Variants in PSG1 observed in about 807,000 individuals in gnomAD.
PSG1 encodes pregnancy specific beta-1-glycoprotein 1.
A neutral mutation model predicts 41.4 loss-of-function variants in PSG1; 60 were observed. The ratio of observed to expected loss-of-function variants is 1.45; its 90% CI spans 1.18 to 1.80. The LOEUF (loss-of-function observed/expected upper bound fraction) is 1.80, where lower values mean the gene tolerates loss of function less well. Among genes scored for constraint, PSG1 ranks in the 40% most tolerant of loss-of-function variants. The probability of loss-of-function intolerance (pLI) is 0.00; values close to 1 mark genes in which losing one functional copy is unlikely to be tolerated. For synonymous variants in PSG1, 256 were observed against 192.9 expected, an observed-to-expected ratio of 1.33 and a Z score of -2.71; for missense variants, 806 against 516.9, an observed-to-expected ratio of 1.56 and a Z score of -5.42.
At chr19:42,876,151 G>A (rs1971595530) in intron 2 of PSG1, among the ~76,000 whole-genome samples, 2 of 151,448 alleles carry the variant, frequency 1.3e-5, no homozygotes, top group African/African-American at 2.4e-5. Flanking sequence ...GCCTAGAGGT[G>A]GAGGAAGAAG....
At chr19:42,873,532 A>T (rs533638691) in intron 2 of PSG1, among the ~76,000 whole-genome samples, 2 of 151,810 alleles carry the variant, frequency 1.3e-5, no homozygotes, top group Non-Finnish European at 2.9e-5. Context: ...TCATAAGTGG[A>T]AATTTTTACT....
rs777919469 is a variant in PSG1 at position 42,868,216 on chromosome 19, T to C, written c.1128A>G (p.Gly376=). Reference sequence around the variant, plus strand: ...TAATATGGCGGATAAAGAGCTTTTGTCCTGGTAGCTGAAACTTTTCATTAA... The same window carrying C: ...TAATATGGCGGATAAAGAGCTTTTGCCCTGGTAGCTGAAACTTTTCATTAA... The part of the protein sequence containing the change: ...WTINEKFQLP[G]QKLFIRHITT... The change falls in exon 5 of 6, where the codon GGA becomes GGG. Residue 376 remains glycine (G), a synonymous_variant. Transcript: ENST00000436291. 2 of 1,612,380 alleles carry C rather than the reference T, an allele frequency of 1.2e-6. No homozygotes were observed. Among genetic ancestry groups the C allele is most frequent in the African/African-American group, 1.3e-5 (1 of 74,758 alleles).
intron 2 of PSG1, among the ~76,000 whole-genome samples, chr19:42,877,263 C>T (rs1207362932): frequency 6.6e-6 from 1 of 151,614 alleles, no homozygotes; most frequent in Non-Finnish European, 1.5e-5. Context: ...TCCTAAGCCT[C>T]CTAAGGCAGT....
At position 42,879,608 on chromosome 19, in the gene PSG1, CTG is replaced by C; in HGVS notation, c.-29_-28del. ...GTCTCTGCTGCTTGTGTGTTCTCCT[CTG>C]TGGAGATAAGCCTAGGATCCAGAAA... On this transcript the variant is annotated 5_prime_UTR_variant, in exon 1 of 6. Transcript: ENST00000436291. The C allele has an allele frequency of 6.2e-7, 1 of 1,608,700 alleles. No homozygotes were observed. The highest frequency in any genetic ancestry group is 8.5e-7 in the Non-Finnish European group (1 of 1,177,116).
intron 2 of PSG1, chr19:42,876,600 A>G: frequency 2.9e-6 from 1 of 344,280 alleles, no homozygotes; most frequent in Non-Finnish European, 5.7e-6. Flanking sequence ...GTAGAGTGTG[A>G]GTGGGGAAAG....
intron 3 of PSG1, among the ~76,000 whole-genome samples, chr19:42,871,489 C>G (rs112675409): frequency 6.6e-6 from 1 of 151,584 alleles, no homozygotes; most frequent in Non-Finnish European, 1.5e-5. Flanking sequence ...AGCCAAATCC[C>G]CACTGTGTTC....
intron 2 of PSG1, among the ~76,000 whole-genome samples, chr19:42,874,711 G>C (rs922882152): frequency 2.6e-5 from 4 of 151,624 alleles, no homozygotes; most frequent in Non-Finnish European, 5.9e-5. Flanking sequence ...TTAGAACCGA[G>C]TGACAAATTT....
intron 3 of PSG1, among the ~76,000 whole-genome samples, chr19:42,871,346 G>A (rs1459923900): frequency 6.6e-6 from 1 of 151,606 alleles, no homozygotes; most frequent in Non-Finnish European, 1.5e-5. Flanking sequence ...AGAAATGGTG[G>A]GGGCATCCAG....
rs765156442 is a variant in PSG1, at chr19:42,868,331, T to C, written c.1013A>G (p.Tyr338Cys). ...VLYGPDLPRI[Y>C]PSFTYYRSGE... ...TGAACGGTAATAGGTGAATGAAGGG[T>C]AAATTCTGGGGAGGTCTGGACCATC... Residue 338 changes from tyrosine to cysteine, a missense_variant, in exon 5 of 6, where the codon TAC becomes TGC. Physicochemically the swap from Tyr to Cys is radical, Grantham distance 194 (BLOSUM62 -2). Transcript: ENST00000436291. 2.3e-5 allele frequency: 37 copies of C among 1,610,906 alleles called. 1 individual carries two copies. The highest frequency in any genetic ancestry group is 2.7e-5 in the Non-Finnish European group (32 of 1,178,448).
intron 1 of PSG1, among the ~76,000 whole-genome samples, chr19:42,878,774 C>T (rs1971734674): frequency 6.6e-6 from 1 of 150,550 alleles, no homozygotes; most frequent in South Asian, 2.1e-4. Context: ...AGCGTGAGCT[C>T]CGTGAAGACA....
At position 42,871,662 on chromosome 19, in the gene PSG1, G is replaced by A. The variant is rs113337451; in HGVS notation, c.709+105C>T. On this transcript the variant is annotated intron_variant, in intron 3 of 5. Coordinates refer to ENST00000436291, the MANE Select transcript of PSG1 (RefSeq NM_001184825.2). ...GTCATGGCCAGGTTTGATGTCCAGG[G>A]GTAAAGGTCTCTGTATTGGACCTGA... is the stretch of plus-strand genomic sequence containing the variant. The A allele has an allele frequency of 7.3e-3, 11,695 of 1,610,512 alleles. 320 individuals are homozygous for A. Among genetic ancestry groups the A allele is most frequent in the Non-Finnish European group, 8.5e-3 (10,042 of 1,178,094 alleles).
intron 2 of PSG1, among the ~76,000 whole-genome samples, chr19:42,873,852 T>C (rs4624304): frequency 0.36 from 54,778 of 151,220 alleles, 11,632 homozygotes; most frequent in African/African-American, 0.54. Flanking sequence ...GGGGAGGACC[T>C]CAAAACAGGT....
intron 1 of PSG1, 74 bp from the exon 2 acceptor site, chr19:42,878,352 G>A: frequency 2.0e-6 from 3 of 1,527,688 alleles, no homozygotes; most frequent in Non-Finnish European, 2.6e-6. Context: ...CCTGGGTCCT[G>A]AGAAGGTCTC....
At chr19:42,876,379 G>A (rs562284666) in intron 2 of PSG1, among the ~76,000 whole-genome samples, 6 of 151,544 alleles carry the variant, frequency 4.0e-5, no homozygotes, top group Admixed American at 2.0e-4. Flanking sequence ...ATGAGGTGGG[G>A]TGGCTTTAGG....
At position 42,867,078 on chromosome 19, in the gene PSG1, G is replaced by C. The variant is rs756818857; in HGVS notation, c.*56C>G. 17 of 772,556 alleles carry C rather than the reference G, an allele frequency of 2.2e-5. 1 individual carries two copies. The highest frequency in any genetic ancestry group is 1.5e-4 in the African/African-American group (9 of 58,888). 47.9% of individuals were successfully genotyped at this position (772,556 alleles called of 1,614,324 possible). A position where few individuals can be genotyped will look rare whatever the true frequency, so the allele number is the denominator to read the frequency against. ...CTTATAGGGCTTCTGGAACAGAGTG[G>C]GTCTTGCTCTTAGTGATTCCATGGG... On this transcript the variant is annotated 3_prime_UTR_variant, in exon 6 of 6. Transcript: ENST00000436291.
In PSG1 at chr19:42,866,809, C is replaced by A. The variant is rs536280302; in HGVS notation, c.*325G>T. The stretch of plus-strand genomic sequence containing the variant: ...AATTCTAATGACTGCATTATCCTGC[C>A]AAGTGAAAGAGGCAGGCATGAGCAA... On this transcript the variant is annotated 3_prime_UTR_variant, in exon 6 of 6. Coordinates refer to ENST00000436291, the MANE Select transcript of PSG1 (RefSeq NM_001184825.2). The A allele has an allele frequency of 1.5e-4, 86 of 577,960 alleles. 1 individual carries two copies. In the Middle Eastern group the frequency reaches 1.9e-3, roughly 13 times the overall value. The allele number at this position is 577,960 out of a possible 1,614,324, so 35.8% of individuals were successfully genotyped here.
At position 42,879,684 on chromosome 19, in the gene PSG1, G is replaced by A. The variant is rs1971787752; in HGVS notation, c.-103C>T. On this transcript the variant is annotated 5_prime_UTR_variant, in exon 1 of 6. Coordinates refer to ENST00000436291, the MANE Select transcript of PSG1 (RefSeq NM_001184825.2). ...GTGCTGTCCTTCCTCTTTCTGTGCTGAGCCTCTTCCCAGGGCAGGAGCAAT... is the reference window on the plus strand; with the variant it reads ...GTGCTGTCCTTCCTCTTTCTGTGCTAAGCCTCTTCCCAGGGCAGGAGCAAT... 1 of 1,519,212 alleles carries A rather than the reference G, an allele frequency of 6.6e-7. No individual in the cohort carries two copies. The highest frequency in any genetic ancestry group is 1.4e-5 in the African/African-American group (1 of 72,170). 94.1% of individuals were successfully genotyped at this position (1,519,212 alleles called of 1,614,324 possible). A position where few individuals can be genotyped will look rare whatever the true frequency, so the allele number is the denominator to read the frequency against.
At position 42,877,785 on chromosome 19, in the gene PSG1, C is replaced by T. The variant is rs570352236; in HGVS notation, c.430+128G>A. On this transcript the variant is annotated intron_variant, in intron 2 of 5. Coordinates refer to ENST00000436291, the MANE Select transcript of PSG1 (RefSeq NM_001184825.2). ...CTCTGTGTGTGTCCTGCACTAAATG[C>T]CCAAATCCCAGCATGGGACATAACG... 1.5e-4 allele frequency: 240 copies of T among 1,569,972 alleles called. 14 individuals are homozygous for T. The highest frequency in any genetic ancestry group is 1.4e-3 in the South Asian group (127 of 88,240).
chr19:42,874,295 A>C (rs1048851038), intron 2 of PSG1, among the ~76,000 whole-genome samples: 3 of 151,298 alleles, frequency 2.0e-5, no homozygotes, highest in Admixed American at 6.6e-5. Context: ...TATTCTTTCC[A>C]CAGCTGTGTG....
Sources: gnomAD v4.1 joint callset for allele counts (sites outside exome capture counted in the v4.1 genomes callset) on GRCh38, gnomAD v4.1.1 for gene constraint, MANE v1.5 for transcripts, NCBI Gene and HGNC (gene_info 2026-07-23, HGNC 2026-07-21) for gene names.